Variants in SORCS2 observed in about 807,000 individuals in gnomAD.
The protein encoded by SORCS2 is sortilin related VPS10 domain containing receptor 2, also known as VPS10 domain-containing receptor SorCS2.
SORCS2 carries 100 observed loss-of-function variants against 141.6 expected under a neutral mutation model. That is an observed-to-expected ratio of 0.71 (90% confidence interval 0.60 to 0.83). The LOEUF (loss-of-function observed/expected upper bound fraction) is 0.83. Among genes scored for constraint, SORCS2 ranks in the 40% least tolerant of loss-of-function variants. The probability of loss-of-function intolerance (pLI) is 0.00; values close to 1 mark genes in which losing one functional copy is unlikely to be tolerated. For synonymous variants in SORCS2, 789 were observed against 676.9 expected (o/e 1.17, Z -2.57); for missense variants, 1,646 against 1,560.2 (o/e 1.05, Z -0.93).
chr4:7,243,745 G>A (rs559388104), intron 1 of SORCS2, among the ~76,000 whole-genome samples: 9 of 152,236 alleles, frequency 5.9e-5, no homozygotes, highest in Admixed American at 3.3e-4. Context: ...CAGTTAGGGC[G>A]TGGGGATCCC....
At chr4:7,346,748 T>TC (rs1397476843) in intron 1 of SORCS2, among the ~76,000 whole-genome samples, 3 of 152,258 alleles carry the variant, frequency 2.0e-5, no homozygotes, top group Non-Finnish European at 4.4e-5. Context: ...ACTTGTTATA[T>TC]CTTCCTGAAG....
chr4:7,661,652 C>G, intron 6 of SORCS2, 88 bp downstream of exon 6: 13 of 1,248,204 alleles, frequency 1.0e-5, no homozygotes, highest in Non-Finnish European at 1.5e-5. Context: ...AGTCGCTTGT[C>G]CGCAATGGCT....
At chr4:7,515,729 C>G (rs1249392183) in intron 2 of SORCS2, among the ~76,000 whole-genome samples, 1 of 152,230 alleles carries the variant, frequency 6.6e-6, no homozygotes, top group African/African-American at 2.4e-5. Context: ...GGGGCTCAGT[C>G]TGTTTCATCA....
intron 1 of SORCS2, among the ~76,000 whole-genome samples, chr4:7,261,329 C>A (rs1157598188): frequency 6.6e-6 from 1 of 152,192 alleles, no homozygotes; most frequent in Non-Finnish European, 1.5e-5. Context: ...CCAGACAGGG[C>A]TCTGCGACGG....
At chr4:7,498,153 A>ATTGGGGTTC (rs1731747321) in intron 2 of SORCS2, among the ~76,000 whole-genome samples, 1 of 152,138 alleles carries the variant, frequency 6.6e-6, no homozygotes, top group South Asian at 2.1e-4. Flanking sequence ...AAAGGGAAGG[A>ATTGGGGTTC]TTGGGGTTCC....
chr4:7,643,765 G>C (rs2107174), intron 4 of SORCS2, among the ~76,000 whole-genome samples: 117,901 of 152,184 alleles, frequency 0.77, 50,843 homozygotes, highest in East Asian at 1. Flanking sequence ...GGCAGTGGGT[G>C]TGAGGAGAGC....
chr4:7,370,316 C>T (rs541947563), intron 1 of SORCS2, among the ~76,000 whole-genome samples: 11 of 152,276 alleles, frequency 7.2e-5, no homozygotes, highest in South Asian at 2.1e-4. Context: ...TGAGCCCGGA[C>T]GGGGGCAGAG....
At chr4:7,390,414 A>C (rs1036708867) in intron 1 of SORCS2, among the ~76,000 whole-genome samples, 4 of 152,162 alleles carry the variant, frequency 2.6e-5, no homozygotes, top group Admixed American at 6.5e-5. Flanking sequence ...TTCTTGTCTT[A>C]AGAGGGGCAC....
intron 1 of SORCS2, among the ~76,000 whole-genome samples, chr4:7,217,645 C>T (rs908158983): frequency 4.6e-5 from 7 of 152,138 alleles, no homozygotes; most frequent in African/African-American, 1.2e-4. Flanking sequence ...CCGCCACACC[C>T]TCCACAAAAA....
chr4:7,251,432 G>T lies in SORCS2; in HGVS notation c.480+58306G>T, dbSNP rs1230830445. Reference sequence around the variant, plus strand: ...GGACTGATTTTCACCTTGTCCAGTTGTTAGAACATCTCACATTGTAGTGTA... The same window carrying T: ...GGACTGATTTTCACCTTGTCCAGTTTTTAGAACATCTCACATTGTAGTGTA... On this transcript the variant is annotated intron_variant, in intron 1 of 26. Coordinates refer to ENST00000507866, the MANE Select transcript of SORCS2 (RefSeq NM_020777.3). Among the ~76,000 whole-genome samples, 3 of 152,200 alleles carry T rather than the reference G, an allele frequency of 2.0e-5. No homozygotes were observed. In the East Asian group the frequency reaches 5.8e-4, roughly 29 times the overall value.
At chr4:7,533,624 C>T (rs1413956080) in intron 3 of SORCS2, among the ~76,000 whole-genome samples, 5 of 152,208 alleles carry the variant, frequency 3.3e-5, no homozygotes, top group African/African-American at 1.2e-4. Flanking sequence ...GCCCTGCAGG[C>T]CACGTCTGTG....
At chr4:7,527,391 G>A (rs956274797) in intron 2 of SORCS2, among the ~76,000 whole-genome samples, 1 of 152,256 alleles carries the variant, frequency 6.6e-6, no homozygotes, top group African/African-American at 2.4e-5. Context: ...CCAGAGGGAC[G>A]TGAGACTGTG....
rs753138266 is a variant in SORCS2 at position 7,193,081 on chromosome 4, G to T, written c.435G>T (p.Ala145=). Residue 145 remains alanine (A), a synonymous_variant, in exon 1 of 27, where the codon GCG becomes GCT. Transcript: ENST00000507866. This position sits in a 1 kb window ranked among gnomAD's most constrained non-coding sequence, Gnocchi z 4.8. Reference sequence around the variant, plus strand: ...CGTCGTTCGTGCTCAAGGGGGACGCGACGCACAACCAGGCGATGGTGCACT... The same window carrying T: ...CGTCGTTCGTGCTCAAGGGGGACGCTACGCACAACCAGGCGATGGTGCACT... The part of the protein sequence containing the change: ...ISTSFVLKGD[A]THNQAMVHWT... 1.0e-5 allele frequency: 16 copies of T among 1,561,246 alleles called. No individual in the cohort carries two copies. In the African/African-American group the frequency reaches 1.8e-4, roughly 18 times the overall value.
chr4:7,477,751 G>A (rs1730392840), intron 2 of SORCS2, among the ~76,000 whole-genome samples: 1 of 152,318 alleles, frequency 6.6e-6, no homozygotes, highest in Non-Finnish European at 1.5e-5. Flanking sequence ...GAGAGAAAAT[G>A]TGTGTAGGAA....
intron 19 of SORCS2, among the ~76,000 whole-genome samples, chr4:7,724,129 G>GGTGGTGATGGTGGTGATA (rs1553808131): frequency 2.1e-5 from 3 of 140,684 alleles, no homozygotes; most frequent in Non-Finnish European, 4.5e-5. Context: ...TGGTGGTGGT[G>GGTGGTGATGGTGGTGATA]GTGGTGGTGG....
chr4:7,212,523 G>A (rs530215360), intron 1 of SORCS2, among the ~76,000 whole-genome samples: 2 of 152,214 alleles, frequency 1.3e-5, no homozygotes, highest in African/African-American at 2.4e-5. Context: ...ACCAGGCTTG[G>A]TTCCTTGTCT....
At chr4:7,612,402 TC>T (rs1718465349) in intron 3 of SORCS2, among the ~76,000 whole-genome samples, 2 of 152,106 alleles carry the variant, frequency 1.3e-5, no homozygotes, top group South Asian at 4.1e-4. Context: ...GGCTGCCTGC[TC>T]CCTCGGTCCT....
At chr4:7,628,330 G>T (rs1184265972) in intron 3 of SORCS2, among the ~76,000 whole-genome samples, 4 of 152,234 alleles carry the variant, frequency 2.6e-5, no homozygotes, top group African/African-American at 9.6e-5. Flanking sequence ...AGACCATCCT[G>T]TGAATGGAGA....
In SORCS2 at chr4:7,233,073, G is replaced by A. The variant is rs114324638; in HGVS notation, c.480+39947G>A. On this transcript the variant is annotated intron_variant, in intron 1 of 26. Transcript: ENST00000507866. This position sits in a 1 kb window ranked among gnomAD's most constrained non-coding sequence, Gnocchi z 4.5. ...TGGGTCAGCTGAGCCCAGGAGTCAG[G>A]CTTCGGCACCCGCATGTTCAACTAC... Among the ~76,000 whole-genome samples the A allele has an allele frequency of 2.7e-3, 404 of 152,274 alleles. 1 individual carries two copies. Among genetic ancestry groups the A allele is most frequent in the African/African-American group, 9.4e-3 (389 of 41,556 alleles).
Sources: gnomAD v4.1 joint callset for allele counts (sites outside exome capture counted in the v4.1 genomes callset) on GRCh38, gnomAD v4.1.1 for gene constraint, Gnocchi (gnomAD v3.1) non-coding constraint, MANE v1.5 for transcripts, NCBI Gene and HGNC (gene_info 2026-07-23, HGNC 2026-07-21) for gene names.